The following ADAMTSL3 variants were observed in gnomAD, a reference collection of about 807,000 sequenced individuals.
ADAMTSL3 encodes the protein ADAMTS like 3.
In ADAMTSL3, 128 loss-of-function variants were observed where a neutral mutation model predicts 201.7. The ratio of observed to expected loss-of-function variants is 0.63; its 90% CI spans 0.55 to 0.73. ADAMTSL3 has a LOEUF of 0.73. ADAMTSL3 is among the 30% of genes least tolerant of loss of function. The pLI, the probability that ADAMTSL3 is intolerant of heterozygous loss-of-function variation, is 0.00. For synonymous variants in ADAMTSL3, 738 were observed against 748.4 expected, an observed-to-expected ratio of 0.99 and a Z score of 0.23; for missense variants, 1,990 against 2,119.6, an observed-to-expected ratio of 0.94 and a Z score of 1.20.
chr15:83,814,801 T>C (rs1041269149), intron 5 of ADAMTSL3, among the ~76,000 whole-genome samples: 1 of 152,188 alleles, frequency 6.6e-6, no homozygotes, highest in African/African-American at 2.4e-5. Context: ...GGGAGGGGGA[T>C]TGCCTAAATG....
intron 17 of ADAMTSL3, among the ~76,000 whole-genome samples, chr15:83,939,336 G>A (rs780935707): frequency 7.9e-5 from 12 of 151,866 alleles, no homozygotes; most frequent in Non-Finnish European, 1.8e-4. Context: ...CATCTGACAT[G>A]GAGTTTATTT....
intron 3 of ADAMTSL3, among the ~76,000 whole-genome samples, chr15:83,714,784 T>TC: frequency 1.2e-4 from 11 of 88,888 alleles, no homozygotes; most frequent in African/African-American, 4.0e-4. Flanking sequence ...TCTTTCTTTC[T>TC]TTTTCTTTCT....
At chr15:84,018,110 A>AT (rs1296001666) in intron 25 of ADAMTSL3, among the ~76,000 whole-genome samples, 1 of 152,182 alleles carries the variant, frequency 6.6e-6, no homozygotes, top group African/African-American at 2.4e-5. Flanking sequence ...AACAAAAAGG[A>AT]TATGTGTGAG....
At position 83,994,845 on chromosome 15, in the gene ADAMTSL3, A is replaced by T. The variant is rs1323613732; in HGVS notation, c.3973+3631A>T. On this transcript the variant is annotated intron_variant, in intron 23 of 29. Coordinates refer to ENST00000286744, the MANE Select transcript of ADAMTSL3 (RefSeq NM_207517.3). Reference sequence around the variant, plus strand: ...GGCTGGTCTCGAACTCCTGACCTCAAGTAATCCACCCACCTCAGCCTCCCA... The same window carrying T: ...GGCTGGTCTCGAACTCCTGACCTCATGTAATCCACCCACCTCAGCCTCCCA... Among the ~76,000 whole-genome samples the T allele has an allele frequency of 2.0e-5, 3 of 150,404 alleles. No homozygotes were observed. The East Asian group carries it at 5.9e-4, about 30-fold the overall frequency.
chr15:83,820,561 T>A (rs2063846998), intron 6 of ADAMTSL3, among the ~76,000 whole-genome samples: 1 of 152,240 alleles, frequency 6.6e-6, no homozygotes, highest in Admixed American at 6.5e-5. Flanking sequence ...GAATACACTT[T>A]GAGAACCGCT....
intron 10 of ADAMTSL3, among the ~76,000 whole-genome samples, chr15:83,888,392 T>A (rs1335239732): frequency 7.8e-6 from 1 of 128,190 alleles, no homozygotes; most frequent in Non-Finnish European, 1.6e-5. Context: ...CTATTTCTAT[T>A]TAGAACAAAG....
chr15:83,654,433 C>G lies in ADAMTSL3; in HGVS notation c.-34+157C>G, dbSNP rs1377326052. On this transcript the variant is annotated intron_variant, in intron 1 of 29. Coordinates refer to ENST00000286744, the MANE Select transcript of ADAMTSL3 (RefSeq NM_207517.3). The surrounding 1 kb of genome is among the most constrained non-coding windows in gnomAD (Gnocchi z 5.3). Reference sequence around the variant, plus strand: ...ACGCGGGCCCCAGGGGGCCTCAGGACTGGGGTGCTCCTCACTGCTGGGCAC... The same window carrying G: ...ACGCGGGCCCCAGGGGGCCTCAGGAGTGGGGTGCTCCTCACTGCTGGGCAC... 6.6e-6 allele frequency among the ~76,000 whole-genome samples: 1 copy of G among 152,050 alleles called. No individual in the cohort carries two copies. Among genetic ancestry groups the G allele is most frequent in the Non-Finnish European group, 1.5e-5 (1 of 67,992 alleles).
intron 6 of ADAMTSL3, among the ~76,000 whole-genome samples, chr15:83,821,658 G>A (rs1204860099): frequency 1.3e-5 from 2 of 151,948 alleles, no homozygotes; most frequent in African/African-American, 2.4e-5. Context: ...ACACAGACAC[G>A]GCAACCATCC....
intron 3 of ADAMTSL3, among the ~76,000 whole-genome samples, chr15:83,750,362 A>G (rs1358756282): frequency 6.6e-6 from 1 of 152,264 alleles, no homozygotes; most frequent in African/African-American, 2.4e-5. Flanking sequence ...GTTTGAGCCC[A>G]TACTTGTTGA....
chr15:83,905,673 A>G (rs577843433), intron 15 of ADAMTSL3, among the ~76,000 whole-genome samples: 4 of 152,356 alleles, frequency 2.6e-5, no homozygotes, highest in South Asian at 2.1e-4. Flanking sequence ...TTTATTTCCA[A>G]TTATTCACAA....
chr15:84,017,255 C>T (rs1003814360), intron 25 of ADAMTSL3, among the ~76,000 whole-genome samples: 2 of 152,192 alleles, frequency 1.3e-5, no homozygotes, highest in South Asian at 2.1e-4. Flanking sequence ...GTAGCTGGGA[C>T]TACAGCCACC....
At chr15:83,993,098 C>T (rs530164502) in intron 23 of ADAMTSL3, among the ~76,000 whole-genome samples, 2 of 152,340 alleles carry the variant, frequency 1.3e-5, no homozygotes, top group South Asian at 2.1e-4. Context: ...CCATTTTAAA[C>T]AAACCTGTAG....
In ADAMTSL3 at chr15:83,819,777, T is replaced by C. The variant is rs4583200; in HGVS notation, c.364-34T>C. 0.17 allele frequency: 266,134 copies of C among 1,530,012 alleles called. 25,597 individuals are homozygous for C. The highest frequency in any genetic ancestry group is 0.36 in the Middle Eastern group (1,634 of 4,592). 94.8% of individuals were successfully genotyped at this position (1,530,012 alleles called of 1,614,324 possible). On this transcript the variant is annotated intron_variant, in intron 5 of 29. Coordinates refer to ENST00000286744, the MANE Select transcript of ADAMTSL3 (RefSeq NM_207517.3). Reference sequence around the variant, plus strand: ...TCTTCTCTTGGCCTCTCTCACTGGGTGATGTGCATGTGGCCTTTTCCCTCT... The same window carrying C: ...TCTTCTCTTGGCCTCTCTCACTGGGCGATGTGCATGTGGCCTTTTCCCTCT...
intron 3 of ADAMTSL3, among the ~76,000 whole-genome samples, chr15:83,718,764 T>G (rs976676249): frequency 4.5e-4 from 68 of 152,142 alleles, no homozygotes; most frequent in African/African-American, 1.6e-3. Flanking sequence ...CTTAAGCATG[T>G]CAACTATGTT....
At chr15:83,770,136 A>G (rs778447533) in intron 3 of ADAMTSL3, among the ~76,000 whole-genome samples, 38 of 152,212 alleles carry the variant, frequency 2.5e-4, no homozygotes, top group Non-Finnish European at 4.8e-4. Context: ...TATTTTAATT[A>G]ACCTCTCACT....
intron 9 of ADAMTSL3, among the ~76,000 whole-genome samples, chr15:83,878,835 T>C (rs2065224482): frequency 6.6e-6 from 1 of 152,186 alleles, no homozygotes; most frequent in Non-Finnish European, 1.5e-5. Context: ...AAAACAAGTT[T>C]AGAAGTGTTT....
intron 4 of ADAMTSL3, among the ~76,000 whole-genome samples, chr15:83,800,640 C>T (rs1007055401): frequency 6.6e-6 from 1 of 152,088 alleles, no homozygotes; most frequent in Non-Finnish European, 1.5e-5. Flanking sequence ...AAGAAAATGC[C>T]ATTTTTATTA....
chr15:83,941,397 C>T (rs191230323), intron 17 of ADAMTSL3, among the ~76,000 whole-genome samples: 1 of 151,542 alleles, frequency 6.6e-6, no homozygotes, highest in African/African-American at 2.4e-5. Flanking sequence ...TAATAAAAAT[C>T]AGAGAAAAAA....
intron 3 of ADAMTSL3, among the ~76,000 whole-genome samples, chr15:83,766,769 A>G (rs2062898598): frequency 6.6e-6 from 1 of 152,196 alleles, no homozygotes; most frequent in Non-Finnish European, 1.5e-5. Flanking sequence ...TTTTATTGTA[A>G]AATTATACAC....
Sources: allele counts gnomAD v4.1 joint callset (sites outside exome capture counted in the v4.1 genomes callset), GRCh38; gene constraint gnomAD v4.1.1; non-coding constraint Gnocchi (gnomAD v3.1); transcripts MANE v1.5; gene names NCBI Gene and HGNC (gene_info 2026-07-23, HGNC 2026-07-21).